KCNQ1: variants seen among roughly 807,000 people sequenced by gnomAD.
KCNQ1 encodes the protein potassium voltage-gated channel subfamily Q member 1, also known as potassium voltage-gated channel subfamily KQT member 1.
In KCNQ1, 49 loss-of-function variants were observed where a neutral mutation model predicts 72.4. That is an observed-to-expected ratio of 0.68 (90% confidence interval 0.54 to 0.86). KCNQ1 has a LOEUF of 0.86. Among genes scored for constraint, KCNQ1 ranks in the 40% least tolerant of loss-of-function variants. The probability of loss-of-function intolerance (pLI) is 0.00; values close to 1 mark genes in which losing one functional copy is unlikely to be tolerated. For synonymous variants in KCNQ1, 450 were observed against 412.6 expected (o/e 1.09, Z -1.10); for missense variants, 790 against 945.1 (o/e 0.84, Z 2.15).
In KCNQ1 at chr11:2,447,913, AAC is replaced by A. The variant is rs1491582444; in HGVS notation, c.386+2430_386+2431del. Reference sequence around the variant, plus strand: ...AGGATATCCTGTCCCCTCCTCGGGGAACCCCCCCTCCCCAGGAGAGCAGCTCT... The same window carrying A: ...AGGATATCCTGTCCCCTCCTCGGGGACCCCCCTCCCCAGGAGAGCAGCTCT... On this transcript the variant is annotated intron_variant, in intron 1 of 15. Coordinates refer to ENST00000155840, the MANE Select transcript of KCNQ1 (RefSeq NM_000218.3). This position sits in a 1 kb window ranked among gnomAD's most constrained non-coding sequence, Gnocchi z 7.6. Among the ~76,000 whole-genome samples the A allele has an allele frequency of 2.0e-5, 3 of 152,062 alleles. No homozygotes were observed. Among genetic ancestry groups the A allele is most frequent in the Non-Finnish European group, 4.4e-5 (3 of 67,980 alleles).
chr11:2,848,479 G>A lies in KCNQ1; in HGVS notation c.*476G>A, dbSNP rs1386386078. ...AGGACCAGCCCACGCTGACTACAGG[G>A]CCGCCGGCAATAAAAGCCCAGGAGC... On this transcript the variant is annotated 3_prime_UTR_variant, in exon 16 of 16. Transcript: ENST00000155840. The A allele has an allele frequency of 2.2e-6, 1 of 458,420 alleles. No homozygotes were observed. The highest frequency in any genetic ancestry group is 4.4e-6 in the Non-Finnish European group (1 of 229,766). 28.4% of individuals were successfully genotyped at this position (458,420 alleles called of 1,614,324 possible). A position where few individuals can be genotyped will look rare whatever the true frequency, so the allele number is the denominator to read the frequency against.
At position 2,464,793 on chromosome 11, in the gene KCNQ1, G is replaced by A. The variant is rs980888440; in HGVS notation, c.386+19309G>A. On this transcript the variant is annotated intron_variant, in intron 1 of 15. Coordinates refer to ENST00000155840, the MANE Select transcript of KCNQ1 (RefSeq NM_000218.3). The surrounding 1 kb of genome is among the most constrained non-coding windows in gnomAD (Gnocchi z 5.0). Reference sequence around the variant, plus strand: ...CCCCTCCTAGGTGGGCTGGGGCTGAGGCGGATCCCACTGTGGGGAGCTGCC... The same window carrying A: ...CCCCTCCTAGGTGGGCTGGGGCTGAAGCGGATCCCACTGTGGGGAGCTGCC... Among the ~76,000 whole-genome samples the A allele has an allele frequency of 2.5e-5, 3 of 120,952 alleles. No homozygotes were observed. The highest frequency in any genetic ancestry group is 4.6e-5 in the Non-Finnish European group (3 of 65,292). 79.3% of individuals were successfully genotyped at this position (120,952 alleles called of 152,430 possible). A position where few individuals can be genotyped will look rare whatever the true frequency, so the allele number is the denominator to read the frequency against.
In KCNQ1 at chr11:2,451,409, C is replaced by T. The variant is rs886261512; in HGVS notation, c.386+5925C>T. On this transcript the variant is annotated intron_variant, in intron 1 of 15. Coordinates refer to ENST00000155840, the MANE Select transcript of KCNQ1 (RefSeq NM_000218.3). The surrounding 1 kb of genome is among the most constrained non-coding windows in gnomAD (Gnocchi z 6.4). ...CACCTGACGCTCACTCACTGCTGTG[C>T]GGCCTGCTCCCTAACAGGCCACGGA... Among the ~76,000 whole-genome samples, 4 of 152,174 alleles carry T rather than the reference C, an allele frequency of 2.6e-5. No individual in the cohort carries two copies. The highest frequency in any genetic ancestry group is 9.7e-5 in the African/African-American group (4 of 41,438).
In KCNQ1 at chr11:2,752,091, G is replaced by T. The variant is rs2133964013; in HGVS notation, c.1515-16753G>T. ...GGCAGCACTCACCCTGGTCATCCCT[G>T]TTTCCACCACAAGACTGTTTGTAGC... is the stretch of plus-strand genomic sequence containing the variant. On this transcript the variant is annotated intron_variant, in intron 11 of 15. Transcript: ENST00000155840. This position sits in a 1 kb window ranked among gnomAD's most constrained non-coding sequence, Gnocchi z 5.2. Among the ~76,000 whole-genome samples, 1 of 152,366 alleles carries T rather than the reference G, an allele frequency of 6.6e-6. No homozygotes were observed. Among genetic ancestry groups the T allele is most frequent in the Admixed American group, 6.5e-5 (1 of 15,304 alleles).
intron 1 of KCNQ1, among the ~76,000 whole-genome samples, chr11:2,527,196 C>G: frequency 6.6e-6 from 1 of 152,278 alleles, no homozygotes; most frequent in South Asian, 2.1e-4. Context: ...TTCTGTGGCT[C>G]GGCCTCGGGG....
Position 2,733,774 on chromosome 11 carries a change from CCACACACA to C in KCNQ1, c.1515-35036_1515-35029del, listed in dbSNP as rs144399150. ...GGGCAGGAGGGGGACTTCAGGCCTT[CCACACACA>C]CACACACACACACACACACACACAC... On this transcript the variant is annotated intron_variant, in intron 11 of 15. Transcript: ENST00000155840. Among the ~76,000 whole-genome samples, 238 of 57,562 alleles carry C rather than the reference CCACACACA, an allele frequency of 4.1e-3. 3 individuals carry two copies. Among genetic ancestry groups the C allele is most frequent in the African/African-American group, 0.014 (210 of 15,300 alleles). The allele number at this position is 57,562 out of a possible 152,430, so 37.8% of individuals were successfully genotyped here. A position where few individuals can be genotyped will look rare whatever the true frequency, so the allele number is the denominator to read the frequency against.
At chr11:2,604,543 A>C (rs996429207) in intron 10 of KCNQ1, among the ~76,000 whole-genome samples, 1 of 151,830 alleles carries the variant, frequency 6.6e-6, no homozygotes, top group Non-Finnish European at 1.5e-5. Flanking sequence ...AGCTGAGTCA[A>C]ATGATCACTA....
At chr11:2,576,462 T>C (rs1206975957) in intron 6 of KCNQ1, among the ~76,000 whole-genome samples, 1 of 152,266 alleles carries the variant, frequency 6.6e-6, no homozygotes, top group African/African-American at 2.4e-5. Flanking sequence ...AAGCAGTTTT[T>C]GCAAACACGG....
intron 11 of KCNQ1, chr11:2,680,871 T>C (rs369249638): frequency 2.5e-6 from 1 of 398,638 alleles, no homozygotes. Flanking sequence ...CCCTGAAGAT[T>C]CACCCAGGTT....
At chr11:2,736,294 CGA>C (rs1483203055) in intron 11 of KCNQ1, among the ~76,000 whole-genome samples, 2 of 152,172 alleles carry the variant, frequency 1.3e-5, no homozygotes, top group East Asian at 3.9e-4. Context: ...GGATTAAAGG[CGA>C]CCGAGCTTGG....
At chr11:2,643,707 G>A in intron 10 of KCNQ1, 3 of 398,458 alleles carry the variant, frequency 7.5e-6, no homozygotes, top group Non-Finnish European at 1.3e-5. Flanking sequence ...TGATTATTTT[G>A]TGTGCTTTCA....
chr11:2,495,592 T>A lies in KCNQ1; in HGVS notation c.387-32336T>A, dbSNP rs988678461. 1.3e-5 allele frequency among the ~76,000 whole-genome samples: 2 copies of A among 152,244 alleles called. No homozygotes were observed. The highest frequency in any genetic ancestry group is 2.4e-5 in the African/African-American group (1 of 41,468). On this transcript the variant is annotated intron_variant, in intron 1 of 15. Coordinates refer to ENST00000155840, the MANE Select transcript of KCNQ1 (RefSeq NM_000218.3). This position sits in a 1 kb window ranked among gnomAD's most constrained non-coding sequence, Gnocchi z 4.6. ...TTTATTTCTGCCTTGATTTTGTTATTTACTCAGTAGTCATTCAGTAGCAGG... is the reference window on the plus strand; with the variant it reads ...TTTATTTCTGCCTTGATTTTGTTATATACTCAGTAGTCATTCAGTAGCAGG...
intron 2 of KCNQ1, among the ~76,000 whole-genome samples, chr11:2,531,648 G>A (rs957658591): frequency 1.3e-5 from 2 of 152,152 alleles, no homozygotes; most frequent in Non-Finnish European, 2.9e-5. Context: ...CCTCTCCTCC[G>A]GGGTGGCATG....
intron 11 of KCNQ1, chr11:2,686,643 CAG>C (rs1481697983): frequency 2.5e-6 from 1 of 398,454 alleles, no homozygotes; most frequent in African/African-American, 2.1e-5. Context: ...CCAGGCTGCA[CAG>C]AGCATGGCCG....
chr11:2,550,765 C>G lies in KCNQ1; in HGVS notation c.478-19863C>G, dbSNP rs1478781948. Among the ~76,000 whole-genome samples the G allele has an allele frequency of 6.6e-6, 1 of 152,096 alleles. No individual in the cohort carries two copies. Among genetic ancestry groups the G allele is most frequent in the African/African-American group, 2.4e-5 (1 of 41,396 alleles). On this transcript the variant is annotated intron_variant, in intron 2 of 15. Transcript: ENST00000155840. The surrounding 1 kb of genome is among the most constrained non-coding windows in gnomAD (Gnocchi z 6.0). ...CCAGGCTCAGCCCAGGACCAGAGCG[C>G]AAATAGGGCTGGAGTCCCGAGTACA... is the stretch of plus-strand genomic sequence containing the variant.
At position 2,595,783 on chromosome 11, in the gene KCNQ1, T is replaced by C. The variant is rs1221535015; in HGVS notation, c.1393+6929T>C. On this transcript the variant is annotated intron_variant, in intron 10 of 15. Coordinates refer to ENST00000155840, the MANE Select transcript of KCNQ1 (RefSeq NM_000218.3). The surrounding 1 kb of genome is among the most constrained non-coding windows in gnomAD (Gnocchi z 5.0). The stretch of plus-strand genomic sequence containing the variant: ...GAGTAATGCCAACTTTGAAGTCTTA[T>C]TATTTAAGAAATACATTTTATAAGG... Among the ~76,000 whole-genome samples the C allele has an allele frequency of 6.6e-6, 1 of 152,246 alleles. No individual in the cohort carries two copies. The highest frequency in any genetic ancestry group is 1.9e-4 in the East Asian group (1 of 5,202).
In KCNQ1 at chr11:2,468,122, C is replaced by T. The variant is rs1338308906; in HGVS notation, c.386+22638C>T. On this transcript the variant is annotated intron_variant, in intron 1 of 15. Coordinates refer to ENST00000155840, the MANE Select transcript of KCNQ1 (RefSeq NM_000218.3). The surrounding 1 kb of genome is among the most constrained non-coding windows in gnomAD (Gnocchi z 5.7). ...TCTCTCCTGGGCTCCCAACCTTTCA[C>T]AGGCCACAGGCCCATTCCCAGAAGT... 1.3e-5 allele frequency among the ~76,000 whole-genome samples: 2 copies of T among 152,270 alleles called. No homozygotes were observed. The highest frequency in any genetic ancestry group is 2.4e-5 in the African/African-American group (1 of 41,478).
chr11:2,758,794 C>T (rs1846342597), intron 11 of KCNQ1, among the ~76,000 whole-genome samples: 1 of 152,176 alleles, frequency 6.6e-6, no homozygotes, highest in African/African-American at 2.4e-5. Context: ...AAAGCCTCCC[C>T]CGAAAGGTCG....
intron 11 of KCNQ1, among the ~76,000 whole-genome samples, chr11:2,757,667 A>T (rs928513737): frequency 6.6e-6 from 1 of 152,370 alleles, no homozygotes; most frequent in East Asian, 1.9e-4. Flanking sequence ...TTTAAGGCCT[A>T]CTATACAGTA....
Sources: allele counts gnomAD v4.1 joint callset (sites outside exome capture counted in the v4.1 genomes callset), GRCh38; gene constraint gnomAD v4.1.1; non-coding constraint Gnocchi (gnomAD v3.1); transcripts MANE v1.5; gene names NCBI Gene and HGNC (gene_info 2026-07-23, HGNC 2026-07-21).